Variants in IKZF1 observed in about 807,000 individuals in gnomAD.
IKZF1 encodes the protein DNA-binding protein Ikaros.
IKZF1 carries 10 observed loss-of-function variants against 51.7 expected under a neutral mutation model. That is an observed-to-expected ratio of 0.19 (90% CI 0.12 to 0.33). The LOEUF is 0.33. Among genes scored for constraint, IKZF1 ranks in the 10% least tolerant of loss-of-function variants. The pLI, the probability that IKZF1 is intolerant of heterozygous loss-of-function variation, is 1.00. For missense variants in IKZF1, 484 were observed against 707.5 expected (o/e 0.68, Z 3.58); for synonymous variants, 280 against 282.3 (o/e 0.99, Z 0.08).
chr7:50,352,700 G>A (rs984870296), intron 3 of IKZF1, among the ~76,000 whole-genome samples: 2 of 152,320 alleles, frequency 1.3e-5, no homozygotes, highest in Non-Finnish European at 2.9e-5. Context: ...TCTCTCTTCA[G>A]TTTTTTCATT....
chr7:50,327,694 A>T lies in IKZF1; in HGVS notation c.97A>T (p.Ile33Phe), dbSNP rs1482011693. The change falls in exon 3 of 8, where the codon ATC (isoleucine) becomes TTC (phenylalanine). Residue 33 changes from isoleucine (I) to phenylalanine (F), a missense_variant. Around this residue, in one of 6 missense-constraint regions of IKZF1, gnomAD observed 118 missense variants for 138.4 expected, o/e 0.85. Coordinates refer to ENST00000331340, the MANE Select transcript of IKZF1 (RefSeq NM_006060.6). ...TPDEGDEPMP[I>F]PEDLSTTSGG... ...AGATGAGGGCGATGAGCCCATGCCG[A>T]TCCCCGAGGACCTCTCCACCACCTC... 1.2e-6 allele frequency: 2 copies of T among 1,613,600 alleles called. No homozygotes were observed. Among genetic ancestry groups the T allele is most frequent in the Admixed American group, 3.3e-5 (2 of 59,970 alleles).
At chr7:50,329,597 A>C (rs1160786177) in intron 3 of IKZF1, among the ~76,000 whole-genome samples, 2 of 152,246 alleles carry the variant, frequency 1.3e-5, no homozygotes, top group Non-Finnish European at 2.9e-5. Context: ...AAAAGTTTGC[A>C]AAAGTGGCAC....
chr7:50,328,739 A>T (rs1419861835), intron 3 of IKZF1: 1 of 152,234 alleles, frequency 6.6e-6, no homozygotes, highest in Non-Finnish European at 1.5e-5. Flanking sequence ...TAATGCAATA[A>T]TGGGAAAATG....
chr7:50,344,812 T>A (rs1044624014), intron 3 of IKZF1, among the ~76,000 whole-genome samples: 3 of 152,048 alleles, frequency 2.0e-5, no homozygotes, highest in Non-Finnish European at 4.4e-5. Context: ...TAGAAAATCA[T>A]CTTAGTTGGA....
chr7:50,353,082 AC>A lies in IKZF1; in HGVS notation c.161-23450del, dbSNP rs1419973760. 2.6e-5 allele frequency among the ~76,000 whole-genome samples: 4 copies of A among 151,818 alleles called. No individual in the cohort carries two copies. In the East Asian group the frequency reaches 7.8e-4, roughly 29 times the overall value. On this transcript the variant is annotated intron_variant, in intron 3 of 7. Coordinates refer to ENST00000331340, the MANE Select transcript of IKZF1 (RefSeq NM_006060.6). The stretch of plus-strand genomic sequence containing the variant: ...ATGGTAGAATCTTTTCATAGAAGAC[AC>A]AGAAAGACATGAAAGAAAGAGCTGG...
chr7:50,336,257 GGCAGGGGGAGGGT>G lies in IKZF1; in HGVS notation c.160+8518_160+8530del, dbSNP rs1301106717. ...AGGAGCCCTGCCTGGCCCCGGCGGGGGCAGGGGGAGGGTGCAGGGGGAGGGTGCAGAGGGAGGG... is the reference window on the plus strand; with the variant it reads ...AGGAGCCCTGCCTGGCCCCGGCGGGGGCAGGGGGAGGGTGCAGAGGGAGGG... On this transcript the variant is annotated intron_variant, in intron 3 of 7. Transcript: ENST00000331340. Among the ~76,000 whole-genome samples the G allele has an allele frequency of 2.0e-4, 30 of 152,246 alleles. 1 individual carries two copies. The highest frequency in any genetic ancestry group is 7.2e-4 in the Admixed American group (11 of 15,306).
chr7:50,376,862 TC>T lies in IKZF1; in HGVS notation c.421+71del. The stretch of plus-strand genomic sequence containing the variant: ...GCATGGGGTTTGAAGGAGGAAAGCA[TC>T]CTGTCTTCCTTGTGTTCTGAGCATG... On this transcript the variant is annotated intron_variant, in intron 4 of 7. Transcript: ENST00000331340. The surrounding 1 kb of genome is among the most constrained non-coding windows in gnomAD (Gnocchi z 4.5). 1.9e-6 allele frequency: 3 copies of T among 1,576,138 alleles called. No homozygotes were observed. The highest frequency in any genetic ancestry group is 2.6e-6 in the Non-Finnish European group (3 of 1,160,562).
intron 3 of IKZF1, among the ~76,000 whole-genome samples, chr7:50,335,002 G>T (rs1236406766): frequency 1.3e-5 from 2 of 150,974 alleles, no homozygotes; most frequent in Non-Finnish European, 3.0e-5. Flanking sequence ...GATATGTGGA[G>T]TGTGGTGTAT....
chr7:50,399,216 G>A (rs1477594770), intron 7 of IKZF1, among the ~76,000 whole-genome samples: 1 of 152,100 alleles, frequency 6.6e-6, no homozygotes, highest in Non-Finnish European at 1.5e-5. Context: ...CATGTTTCTG[G>A]GGAGCCCTGC....
intron 6 of IKZF1, among the ~76,000 whole-genome samples, chr7:50,390,647 A>T (rs1258222826): frequency 6.6e-6 from 1 of 152,254 alleles, no homozygotes; most frequent in African/African-American, 2.4e-5. Context: ...AAATTAGTGT[A>T]TCATTTCAAC....
intron 3 of IKZF1, among the ~76,000 whole-genome samples, chr7:50,364,885 G>T (rs1475243573): frequency 1.3e-5 from 2 of 152,224 alleles, no homozygotes; most frequent in East Asian, 1.9e-4. Context: ...CCCTGAGGGG[G>T]CAGGGCTAAG....
chr7:50,324,164 A>G (rs1010424605), intron 2 of IKZF1, among the ~76,000 whole-genome samples: 4 of 152,240 alleles, frequency 2.6e-5, no homozygotes, highest in Non-Finnish European at 5.9e-5. Context: ...GCATAAAAAT[A>G]CTGTGCCTAT....
At chr7:50,317,501 T>C (rs934370778) in intron 1 of IKZF1, among the ~76,000 whole-genome samples, 1 of 152,216 alleles carries the variant, frequency 6.6e-6, no homozygotes, top group Non-Finnish European at 1.5e-5. Context: ...CTTGTGCTGG[T>C]CACATGCTTG....
Position 50,327,772 on chromosome 7 carries a change from A to G in IKZF1, c.160+15A>G, listed in dbSNP as rs774503949. The G allele has an allele frequency of 1.2e-6, 2 of 1,602,030 alleles. No homozygotes were observed. Among genetic ancestry groups the G allele is most frequent in the Admixed American group, 1.7e-5 (1 of 57,920 alleles). ...CAGAGTCGTGGGTAAGTGGGTCACC[A>G]GCGGCCTCTGTGCCTGTGAAACCTT... On this transcript the variant is annotated intron_variant, in intron 3 of 7. Coordinates refer to ENST00000331340, the MANE Select transcript of IKZF1 (RefSeq NM_006060.6).
At chr7:50,309,068 A>G (rs1312791403) in intron 1 of IKZF1, among the ~76,000 whole-genome samples, 1 of 152,206 alleles carries the variant, frequency 6.6e-6, no homozygotes, top group Admixed American at 6.5e-5. Flanking sequence ...GAGCATCATT[A>G]TGCTCCGTCT....
chr7:50,327,590 C>G (rs747065382), intron 2 of IKZF1, 48 bp from the exon 3 acceptor site: 117 of 1,541,266 alleles, frequency 7.6e-5, no homozygotes, highest in Non-Finnish European at 8.9e-5. Context: ...GAAGCCCAGG[C>G]ACCTTGACCA....
At position 50,308,064 on chromosome 7, in the gene IKZF1, G is replaced by A. The variant is rs75841192; in HGVS notation, c.-15+3142G>A. 7.3e-3 allele frequency among the ~76,000 whole-genome samples: 1,110 copies of A among 152,236 alleles called. 9 individuals are homozygous for A. Among genetic ancestry groups the A allele is most frequent in the African/African-American group, 0.024 (1,004 of 41,538 alleles). On this transcript the variant is annotated intron_variant, in intron 1 of 7. Coordinates refer to ENST00000331340, the MANE Select transcript of IKZF1 (RefSeq NM_006060.6). ...TTTATGTCCTTAAAGTTTCAGTGTC[G>A]TCACTTTAGTAGCTTTAGTTTGAGT...
chr7:50,330,303 G>A (rs1455563494), intron 3 of IKZF1, among the ~76,000 whole-genome samples: 1 of 152,236 alleles, frequency 6.6e-6, no homozygotes, highest in Middle Eastern at 3.2e-3. Context: ...GTAAATAGCA[G>A]TTGATGCAGC....
At chr7:50,363,468 C>T (rs530884918) in intron 3 of IKZF1, among the ~76,000 whole-genome samples, 42 of 152,216 alleles carry the variant, frequency 2.8e-4, no homozygotes, top group African/African-American at 8.7e-4. Context: ...GGCGGTGAAA[C>T]GAGCCACTGA....
Sources: allele counts gnomAD v4.1 joint callset (sites outside exome capture counted in the v4.1 genomes callset), GRCh38; gene constraint gnomAD v4.1.1; regional missense constraint gnomAD v4.1.1; non-coding constraint Gnocchi (gnomAD v3.1); transcripts MANE v1.5; gene names NCBI Gene and HGNC (gene_info 2026-07-23, HGNC 2026-07-21).